Variants in PTPRK observed in about 807,000 individuals in gnomAD.
The protein encoded by PTPRK is protein tyrosine phosphatase receptor type K.
PTPRK carries 75 observed loss-of-function variants against 178.0 expected under a neutral mutation model. The ratio of observed to expected loss-of-function variants is 0.42; its 90% CI spans 0.35 to 0.51. The LOEUF is 0.51. PTPRK is among the 20% of genes least tolerant of loss of function. The pLI, the probability that PTPRK is intolerant of heterozygous loss-of-function variation, is 0.02. For missense variants in PTPRK, 1,441 were observed against 1,797.8 expected, an observed-to-expected ratio of 0.80 and a Z score of 3.59; for synonymous variants, 637 against 620.6, an observed-to-expected ratio of 1.03 and a Z score of -0.39.
At chr6:128,491,085 G>C (rs190909638) in intron 1 of PTPRK, among the ~76,000 whole-genome samples, 14 of 152,292 alleles carry the variant, frequency 9.2e-5, no homozygotes, top group Admixed American at 7.8e-4. Context: ...AACAATAATA[G>C]CTACCTCACA....
At chr6:128,441,648 C>T (rs1846298084) in intron 1 of PTPRK, among the ~76,000 whole-genome samples, 1 of 152,090 alleles carries the variant, frequency 6.6e-6, no homozygotes, top group African/African-American at 2.4e-5. Flanking sequence ...GATCTATCTT[C>T]CATGAAACTA....
intron 8 of PTPRK, among the ~76,000 whole-genome samples, chr6:128,085,550 T>A (rs973901342): frequency 1.3e-5 from 2 of 152,250 alleles, no homozygotes; most frequent in African/African-American, 4.8e-5. Flanking sequence ...TAACTGCCTA[T>A]GTTTACCTAA....
At chr6:128,349,148 C>T (rs1832794198) in intron 2 of PTPRK, among the ~76,000 whole-genome samples, 1 of 152,078 alleles carries the variant, frequency 6.6e-6, no homozygotes, top group South Asian at 2.1e-4. Context: ...TGTCCAGAAA[C>T]ATGAACAACA....
chr6:128,383,498 C>A (rs940989479), intron 2 of PTPRK, among the ~76,000 whole-genome samples: 1 of 152,016 alleles, frequency 6.6e-6, no homozygotes, highest in Non-Finnish European at 1.5e-5. Context: ...AAATTCAAAT[C>A]ATTTTCTAAA....
chr6:128,266,409 G>T (rs1016225023), intron 3 of PTPRK, among the ~76,000 whole-genome samples: 6 of 152,130 alleles, frequency 3.9e-5, no homozygotes, highest in Admixed American at 3.3e-4. Flanking sequence ...ATGAGGCTCA[G>T]TATACCAACG....
chr6:128,434,533 C>T (rs951403061), intron 1 of PTPRK, among the ~76,000 whole-genome samples: 6 of 152,102 alleles, frequency 3.9e-5, no homozygotes, highest in African/African-American at 1.4e-4. Context: ...TTTCAGTTTA[C>T]TTACTCAGTC....
At chr6:127,982,788 A>T in intron 24 of PTPRK, 43 bp downstream of exon 24, 2 of 1,553,094 alleles carry the variant, frequency 1.3e-6, no homozygotes, top group Non-Finnish European at 1.8e-6. Context: ...GCCCAGAACA[A>T]ATTGTAGTAA....
intron 1 of PTPRK, among the ~76,000 whole-genome samples, chr6:128,402,963 G>A (rs989891770): frequency 2.0e-5 from 3 of 152,114 alleles, no homozygotes; most frequent in African/African-American, 7.2e-5. Context: ...TAATTAGGGT[G>A]TGAAAATATT....
At chr6:128,134,701 T>C (rs1794756630) in intron 7 of PTPRK, among the ~76,000 whole-genome samples, 1 of 152,038 alleles carries the variant, frequency 6.6e-6, no homozygotes, top group African/African-American at 2.4e-5. Flanking sequence ...GTCCCAGCTA[T>C]TCGAGAGGCT....
chr6:128,274,235 C>T (rs978615676), intron 3 of PTPRK, among the ~76,000 whole-genome samples: 1 of 152,078 alleles, frequency 6.6e-6, no homozygotes, highest in Admixed American at 6.6e-5. Context: ...TTTGTTGTTA[C>T]TGCCTTAAAT....
chr6:127,975,395 C>T (rs1774416570), intron 27 of PTPRK, among the ~76,000 whole-genome samples: 1 of 151,862 alleles, frequency 6.6e-6, no homozygotes, highest in Non-Finnish European at 1.5e-5. Context: ...TCCTTTTTTT[C>T]TCCACTGAAA....
Position 127,990,824 on chromosome 6 carries a change from C to T in PTPRK, c.3041G>A (p.Cys1014Tyr). Reference protein sequence around the residue: ...TEVYGDFKVTCVEMEPLAEYV... With the variant: ...TEVYGDFKVTYVEMEPLAEYV... The stretch of plus-strand genomic sequence containing the variant: ...TTCAGCAAGTGGTTCCATTTCTACA[C>T]ACGTTACTTTGAAGTCACCATAAAC... The change falls in exon 21 of 30, where the codon TGT becomes TAT. Residue 1014 changes from cysteine to tyrosine, a missense_variant. By Grantham distance (194) the Cys-to-Tyr change is radical (BLOSUM62 -2). Coordinates refer to ENST00000368226, the MANE Select transcript of PTPRK (RefSeq NM_002844.4). 2 of 1,612,346 alleles carry T rather than the reference C, an allele frequency of 1.2e-6. No individual in the cohort carries two copies. Among genetic ancestry groups the T allele is most frequent in the Non-Finnish European group, 1.7e-6 (2 of 1,178,734 alleles).
At chr6:127,997,349 T>C (rs1361761926) in intron 16 of PTPRK, among the ~76,000 whole-genome samples, 1 of 152,138 alleles carries the variant, frequency 6.6e-6, no homozygotes, top group African/African-American at 2.4e-5. Context: ...TTAATGAGTA[T>C]CTTTCAAGTG....
chr6:128,274,283 G>C (rs1378019100), intron 3 of PTPRK, among the ~76,000 whole-genome samples: 3 of 152,014 alleles, frequency 2.0e-5, no homozygotes, highest in Non-Finnish European at 4.4e-5. Flanking sequence ...ACAGAATACA[G>C]GGTTTACTTG....
At chr6:128,021,695 C>T (rs1773543359) in intron 13 of PTPRK, among the ~76,000 whole-genome samples, 1 of 152,146 alleles carries the variant, frequency 6.6e-6, no homozygotes, top group Non-Finnish European at 1.5e-5. Context: ...AGCCCTCAAT[C>T]CCCCAAGGGA....
chr6:128,354,277 G>A (rs150027215), intron 2 of PTPRK, among the ~76,000 whole-genome samples: 45 of 96,784 alleles, frequency 4.6e-4, no homozygotes, highest in Middle Eastern at 0.013. Context: ...TCACTCTGTC[G>A]CCCAGGCTGG....
chr6:128,304,473 T>A (rs1826085478), intron 3 of PTPRK, among the ~76,000 whole-genome samples: 1 of 152,206 alleles, frequency 6.6e-6, no homozygotes. Context: ...GTAAAATGCA[T>A]AAAACATTTA....
intron 13 of PTPRK, among the ~76,000 whole-genome samples, chr6:128,026,798 T>C (rs1774387127): frequency 6.6e-6 from 1 of 152,154 alleles, no homozygotes; most frequent in South Asian, 2.1e-4. Flanking sequence ...CACACCAAAA[T>C]TGTGGTTGAC....
At chr6:128,105,327 G>A (rs1221079745) in intron 7 of PTPRK, among the ~76,000 whole-genome samples, 1 of 151,964 alleles carries the variant, frequency 6.6e-6, no homozygotes, top group African/African-American at 2.4e-5. Context: ...TAGAGACGGG[G>A]TTTCACCGTG....
Sources: allele counts gnomAD v4.1 joint callset (sites outside exome capture counted in the v4.1 genomes callset), GRCh38; gene constraint gnomAD v4.1.1; transcripts MANE v1.5; gene names NCBI Gene and HGNC (gene_info 2026-07-23, HGNC 2026-07-21).